KLHL32: variants seen among roughly 807,000 people sequenced by gnomAD.
The protein encoded by KLHL32 is kelch-like protein 32.
In KLHL32, 35 loss-of-function variants were observed where a neutral mutation model predicts 64.8. The observed-to-expected ratio is 0.54, with a 90% CI of 0.41 to 0.72. The LOEUF is 0.72. Among genes scored for constraint, KLHL32 ranks in the 30% least tolerant of loss-of-function variants. KLHL32 has a pLI of 0.00. For missense variants in KLHL32, 589 were observed against 768.5 expected (o/e 0.77, Z 2.76); for synonymous variants, 259 against 281.0 (o/e 0.92, Z 0.78).
At chr6:97,114,618 G>A in intron 7 of KLHL32, 109 bp downstream of exon 7, 1 of 1,333,074 alleles carries the variant, frequency 7.5e-7, no homozygotes, top group East Asian at 2.3e-5. Context: ...ATTGAACCAA[G>A]CATGCCATTT....
chr6:97,125,289 T>G (rs76320550), intron 7 of KLHL32, among the ~76,000 whole-genome samples: 1 of 152,188 alleles, frequency 6.6e-6, no homozygotes, highest in African/African-American at 2.4e-5. Context: ...TTAGTTTTGA[T>G]TGATTATTCC....
chr6:97,114,697 T>C, intron 7 of KLHL32, 188 bp downstream of exon 7: 3 of 654,196 alleles, frequency 4.6e-6, no homozygotes, highest in Non-Finnish European at 5.2e-6. Context: ...AATATGCCTT[T>C]CTGTGACTTT....
At chr6:96,928,238 T>C (rs950903074) in intron 1 of KLHL32, among the ~76,000 whole-genome samples, 2 of 152,200 alleles carry the variant, frequency 1.3e-5, no homozygotes, top group African/African-American at 2.4e-5. Context: ...TGGAACTTGA[T>C]GGCTGGGTAT....
chr6:96,971,874 CAG>C (rs772539449), intron 2 of KLHL32, among the ~76,000 whole-genome samples: 3 of 152,204 alleles, frequency 2.0e-5, no homozygotes, highest in East Asian at 3.9e-4. Flanking sequence ...GTTGTTGAGA[CAG>C]AGTTTCACTC....
At chr6:97,133,556 T>C (rs1382496973) in intron 10 of KLHL32, among the ~76,000 whole-genome samples, 1 of 152,218 alleles carries the variant, frequency 6.6e-6, no homozygotes, top group African/African-American at 2.4e-5. Context: ...TCAACCTTTT[T>C]ATTTCTTTTT....
At chr6:96,989,320 T>A (rs1264266024) in intron 3 of KLHL32, among the ~76,000 whole-genome samples, 5 of 152,228 alleles carry the variant, frequency 3.3e-5, no homozygotes, top group African/African-American at 1.2e-4. Context: ...TAGCATTTGC[T>A]TGTCTGAAAA....
At chr6:97,048,436 T>C (rs1786275947) in intron 4 of KLHL32, among the ~76,000 whole-genome samples, 1 of 152,216 alleles carries the variant, frequency 6.6e-6, no homozygotes, top group Non-Finnish European at 1.5e-5. Context: ...CAAGGAAATA[T>C]TGTATCACCA....
intron 6 of KLHL32, among the ~76,000 whole-genome samples, chr6:97,109,433 A>T (rs1796832565): frequency 6.6e-6 from 1 of 152,234 alleles, no homozygotes; most frequent in Non-Finnish European, 1.5e-5. Context: ...GTATTTGGAG[A>T]AATTGAACAC....
At chr6:97,074,298 G>C (rs1791239240) in intron 5 of KLHL32, among the ~76,000 whole-genome samples, 1 of 152,170 alleles carries the variant, frequency 6.6e-6, no homozygotes, top group African/African-American at 2.4e-5. Context: ...GAGGGATGCT[G>C]ATGTCTGAAC....
intron 4 of KLHL32, among the ~76,000 whole-genome samples, chr6:97,054,620 T>A (rs1737660): frequency 0.15 from 23,212 of 152,264 alleles, 1,924 homozygotes; most frequent in African/African-American, 0.22. Flanking sequence ...GAGTTGTAGT[T>A]CTTTGTCAAG....
intron 3 of KLHL32, among the ~76,000 whole-genome samples, chr6:97,021,720 G>A (rs2128105304): frequency 6.6e-6 from 1 of 150,886 alleles, no homozygotes; most frequent in South Asian, 2.1e-4. Flanking sequence ...TTCCGAATTG[G>A]ACTTCCCCTA....
At chr6:96,977,038 A>G (rs969238838) in intron 3 of KLHL32, among the ~76,000 whole-genome samples, 5 of 152,248 alleles carry the variant, frequency 3.3e-5, no homozygotes, top group African/African-American at 1.2e-4. Flanking sequence ...GATTTCCAAC[A>G]GCAAATTACA....
At chr6:96,977,837 ATGTC>A (rs1162563379) in intron 3 of KLHL32, among the ~76,000 whole-genome samples, 5 of 152,212 alleles carry the variant, frequency 3.3e-5, no homozygotes, top group Non-Finnish European at 5.9e-5. Flanking sequence ...ATTACTTGAA[ATGTC>A]TGTTTCTGAA....
At chr6:97,037,725 C>T (rs1000529122) in intron 3 of KLHL32, among the ~76,000 whole-genome samples, 3 of 152,002 alleles carry the variant, frequency 2.0e-5, no homozygotes, top group Admixed American at 6.6e-5. Flanking sequence ...ACCAAAGCCA[C>T]CCTGAGCAAA....
chr6:96,920,085 AG>A (rs1768702854), upstream of KLHL32, among the ~76,000 whole-genome samples: 1 of 152,210 alleles, frequency 6.6e-6, no homozygotes, highest in African/African-American at 2.4e-5. Flanking sequence ...GATGAGGAAG[AG>A]TGAATCTTGC....
intron 6 of KLHL32, among the ~76,000 whole-genome samples, chr6:97,089,972 T>C (rs779365817): frequency 5.9e-5 from 9 of 152,010 alleles, no homozygotes; most frequent in African/African-American, 1.9e-4. Context: ...TTCTATTAGG[T>C]TGGTGCAAAA....
intron 4 of KLHL32, among the ~76,000 whole-genome samples, chr6:97,059,835 A>G (rs146624824): frequency 0.011 from 1,740 of 152,270 alleles, 32 homozygotes; most frequent in East Asian, 0.043. Context: ...ATGCTGTTGT[A>G]TCCAGTTCAT....
Position 97,106,300 on chromosome 6 carries a change from A to G in KLHL32, c.628-7483A>G, listed in dbSNP as rs1796399152. On this transcript the variant is annotated intron_variant, in intron 6 of 10. Transcript: ENST00000369261. ...AATTTGTAGCATTTAGAATTATACT[A>G]TTATGTTTAGGATTATATATCATAT... Among the ~76,000 whole-genome samples, 3 of 152,264 alleles carry G rather than the reference A, an allele frequency of 2.0e-5. No individual in the cohort carries two copies. In the South Asian group the frequency reaches 6.2e-4, roughly 32 times the overall value.
At chr6:96,900,482 G>A in the KLHL32 span, among the ~76,000 whole-genome samples, 1 of 152,186 alleles carries the variant, frequency 6.6e-6, no homozygotes, top group African/African-American at 2.4e-5. Context: ...TGATTAACGT[G>A]CTCAGCACAC....
Sources: allele counts gnomAD v4.1 joint callset (sites outside exome capture counted in the v4.1 genomes callset), GRCh38; gene constraint gnomAD v4.1.1; transcripts MANE v1.5; gene names NCBI Gene and HGNC (gene_info 2026-07-23, HGNC 2026-07-21).